SLC25A38: variants seen among roughly 807,000 people sequenced by gnomAD.
The protein encoded by SLC25A38 is solute carrier family 25 member 38.
Under a neutral mutation model 33.4 loss-of-function variants are expected in SLC25A38, and 27 were observed. The observed-to-expected ratio is 0.81, with a 90% CI of 0.60 to 1.11. The LOEUF (loss-of-function observed/expected upper bound fraction) is 1.11, where lower values mean the gene tolerates loss of function less well. Ranked by LOEUF, SLC25A38 falls within the 50% of genes most tolerant of loss-of-function variation. SLC25A38 has a pLI of 0.00. For missense variants in SLC25A38, 344 were observed against 388.8 expected (o/e 0.88, Z 0.97); for synonymous variants, 123 against 145.9 (o/e 0.84, Z 1.13).
chr3:39,396,748 G>A lies in SLC25A38; in HGVS notation c.*228G>A. On this transcript the variant is annotated 3_prime_UTR_variant, in exon 7 of 7. Transcript: ENST00000650617. ...ATCAATTCATAGAGCACACTAGGGTGTTAGGAGAGAGCTTTGCATACTCTG... is the reference window on the plus strand; with the variant it reads ...ATCAATTCATAGAGCACACTAGGGTATTAGGAGAGAGCTTTGCATACTCTG... 6.3e-6 allele frequency: 4 copies of A among 635,374 alleles called. No homozygotes were observed. Among genetic ancestry groups the A allele is most frequent in the Non-Finnish European group, 1.1e-5 (4 of 369,072 alleles). 39.4% of individuals were successfully genotyped at this position (635,374 alleles called of 1,614,324 possible). A position where few individuals can be genotyped will look rare whatever the true frequency, so the allele number is the denominator to read the frequency against.
Position 39,389,331 on chromosome 3 carries a change from A to T in SLC25A38, c.70-164A>T. On this transcript the variant is annotated intron_variant, in intron 1 of 6. Coordinates refer to ENST00000650617, the MANE Select transcript of SLC25A38 (RefSeq NM_017875.4). The surrounding 1 kb of genome is among the most constrained non-coding windows in gnomAD (Gnocchi z 4.5). ...TCCTCAATAACATTGCAGTATTTTT[A>T]ATTTCTGGCTATACTTTTTCCTTCT... is the stretch of plus-strand genomic sequence containing the variant. 9.4e-7 allele frequency: 1 copy of T among 1,062,876 alleles called. No individual in the cohort carries two copies. The highest frequency in any genetic ancestry group is 1.4e-6 in the Non-Finnish European group (1 of 704,896). The allele number at this position is 1,062,876 out of a possible 1,614,324, so 65.8% of individuals were successfully genotyped here. A position where few individuals can be genotyped will look rare whatever the true frequency, so the allele number is the denominator to read the frequency against.
At position 39,389,587 on chromosome 3, in the gene SLC25A38, C is replaced by G. The variant is rs746423954; in HGVS notation, c.162C>G (p.Arg54=). 3 of 1,614,148 alleles carry G rather than the reference C, an allele frequency of 1.9e-6. No homozygotes were observed. The highest frequency in any genetic ancestry group is 2.5e-6 in the Non-Finnish European group (3 of 1,180,016). Residue 54 remains arginine (R), a synonymous_variant, in exon 2 of 7, where the codon CGC becomes CGG. Coordinates refer to ENST00000650617, the MANE Select transcript of SLC25A38 (RefSeq NM_017875.4). The surrounding 1 kb of genome is among the most constrained non-coding windows in gnomAD (Gnocchi z 4.5). ...AACCTCTGGATCTCCTTAAAACACGCCTGCAAACCCTCCAGCCCTCAGATC... is the reference window on the plus strand; with the variant it reads ...AACCTCTGGATCTCCTTAAAACACGGCTGCAAACCCTCCAGCCCTCAGATC... ...LFQPLDLLKT[R]LQTLQPSDHG... is the part of the protein sequence containing the mutation.
In SLC25A38 at chr3:39,389,396, G is replaced by A; in HGVS notation, c.70-99G>A. 2 of 1,593,284 alleles carry A rather than the reference G, an allele frequency of 1.3e-6. No homozygotes were observed. Among genetic ancestry groups the A allele is most frequent in the Non-Finnish European group, 8.6e-7 (1 of 1,163,110 alleles). ...AAACATGAGGCACCACCAGGTAAGT[G>A]TCTAAGAGACCATTATAAAGGAATT... On this transcript the variant is annotated intron_variant, in intron 1 of 6. Transcript: ENST00000650617. This position sits in a 1 kb window ranked among gnomAD's most constrained non-coding sequence, Gnocchi z 4.5.
rs1240686218 is a variant in SLC25A38 at position 39,397,086 on chromosome 3, C to T, written c.*566C>T. 3 of 168,144 alleles carry T rather than the reference C, an allele frequency of 1.8e-5. No homozygotes were observed. Among genetic ancestry groups the T allele is most frequent in the Non-Finnish European group, 2.6e-5 (2 of 76,316 alleles). 10.4% of individuals were successfully genotyped at this position (168,144 alleles called of 1,614,324 possible). A position where few individuals can be genotyped will look rare whatever the true frequency, so the allele number is the denominator to read the frequency against. ...GGAGAACGGGACAGTGGCTTTCTAG[C>T]CTCTGAATGTTCCAAATAAAATTTT... On this transcript the variant is annotated 3_prime_UTR_variant, in exon 7 of 7. Transcript: ENST00000650617.
At chr3:39,391,027 G>A (rs1228772624) in intron 3 of SLC25A38, among the ~76,000 whole-genome samples, 1 of 152,202 alleles carries the variant, frequency 6.6e-6, no homozygotes, top group Non-Finnish European at 1.5e-5. Flanking sequence ...ATTAGATTTA[G>A]TTCTACATTT....
chr3:39,384,453 C>G, intron 1 of SLC25A38: 1 of 381,700 alleles, frequency 2.6e-6, no homozygotes, highest in Non-Finnish European at 4.6e-6. Context: ...CCTGAGGCCA[C>G]TGCAGCTGCC....
chr3:39,393,608 T>C (rs1339090228), intron 5 of SLC25A38, among the ~76,000 whole-genome samples: 1 of 152,220 alleles, frequency 6.6e-6, no homozygotes, highest in South Asian at 2.1e-4. Context: ...CAAGTGATTC[T>C]TGTGCCTCAG....
At chr3:39,395,845 A>G (rs1575248092) in intron 6 of SLC25A38, among the ~76,000 whole-genome samples, 1 of 152,212 alleles carries the variant, frequency 6.6e-6, no homozygotes, top group Admixed American at 6.5e-5. Flanking sequence ...AACCCTGCAT[A>G]AAGACTTTCA....
chr3:39,390,478 C>G lies in SLC25A38; in HGVS notation c.247C>G (p.Leu83Val). Reference sequence around the variant, plus strand: ...CTTGAAGGTGGTTCGCACGGAGAGTCTTTTGGGCCTTTGGAAAGGGATGTC... The same window carrying G: ...CTTGAAGGTGGTTCGCACGGAGAGTGTTTTGGGCCTTTGGAAAGGGATGTC... ...VLLKVVRTESLLGLWKGMSPS... is the reference protein window; with the variant it reads ...VLLKVVRTESVLGLWKGMSPS... The change falls in exon 3 of 7, where the codon CTT becomes GTT. Residue 83 changes from leucine to valine, a missense_variant. By Grantham distance (32) the Leu-to-Val change is conservative (BLOSUM62 1). Around this residue, in one of 2 missense-constraint regions of SLC25A38, gnomAD observed 269 missense variants for 271.8 expected, o/e 0.99. Transcript: ENST00000650617. The G allele has an allele frequency of 6.2e-7, 1 of 1,614,164 alleles. No individual in the cohort carries two copies. The highest frequency in any genetic ancestry group is 8.5e-7 in the Non-Finnish European group (1 of 1,180,028).
At position 39,389,454 on chromosome 3, in the gene SLC25A38, C is replaced by A. The variant is rs771744984; in HGVS notation, c.70-41C>A. On this transcript the variant is annotated intron_variant, in intron 1 of 6. Coordinates refer to ENST00000650617, the MANE Select transcript of SLC25A38 (RefSeq NM_017875.4). The surrounding 1 kb of genome is among the most constrained non-coding windows in gnomAD (Gnocchi z 4.5). The stretch of plus-strand genomic sequence containing the variant: ...CAGGTATAGAGAAAGGTGAGGCTCA[C>A]ACAGGCAGAGCTACTGACACAATAT... The A allele has an allele frequency of 1.2e-6, 2 of 1,614,214 alleles. No homozygotes were observed. The highest frequency in any genetic ancestry group is 4.5e-5 in the East Asian group (2 of 44,892).
At position 39,389,825 on chromosome 3, in the gene SLC25A38, G is replaced by A. The variant is rs1276577350; in HGVS notation, c.191+209G>A. On this transcript the variant is annotated intron_variant, in intron 2 of 6. Coordinates refer to ENST00000650617, the MANE Select transcript of SLC25A38 (RefSeq NM_017875.4). This position sits in a 1 kb window ranked among gnomAD's most constrained non-coding sequence, Gnocchi z 4.5. The stretch of plus-strand genomic sequence containing the variant: ...CGTTCCTGAGCAGCTTCCTGGAATC[G>A]GCTCAGTGACATTTACACTTTATTG... Among the ~76,000 whole-genome samples the A allele has an allele frequency of 2.0e-5, 3 of 152,118 alleles. No individual in the cohort carries two copies. Among genetic ancestry groups the A allele is most frequent in the Middle Eastern group, 3.2e-3 (1 of 316 alleles).
Position 39,390,471 on chromosome 3 carries a change from G to C in SLC25A38, c.240G>C (p.Thr80=). The change falls in exon 3 of 7, where the codon ACG becomes ACC. Residue 80 remains threonine, a synonymous_variant. Transcript: ENST00000650617. ...CTGTACTCTTGAAGGTGGTTCGCAC[G>C]GAGAGTCTTTTGGGCCTTTGGAAAG... The part of the protein sequence containing the change: ...MLAVLLKVVR[T]ESLLGLWKGM... The C allele has an allele frequency of 6.2e-7, 1 of 1,614,172 alleles. No individual in the cohort carries two copies. The highest frequency in any genetic ancestry group is 8.5e-7 in the Non-Finnish European group (1 of 1,180,038).
rs189158763 is a variant in SLC25A38, at chr3:39,389,361, G to C, written c.70-134G>C. Reference sequence around the variant, plus strand: ...CTGGCTATACTTTTTCCTTCTCCGAGGTATGAAGAAAACATGAGGCACCAC... The same window carrying C: ...CTGGCTATACTTTTTCCTTCTCCGACGTATGAAGAAAACATGAGGCACCAC... On this transcript the variant is annotated intron_variant, in intron 1 of 6. Coordinates refer to ENST00000650617, the MANE Select transcript of SLC25A38 (RefSeq NM_017875.4). The surrounding 1 kb of genome is among the most constrained non-coding windows in gnomAD (Gnocchi z 4.5). The C allele has an allele frequency of 1.4e-6, 2 of 1,389,582 alleles. No homozygotes were observed. Among genetic ancestry groups the C allele is most frequent in the Non-Finnish European group, 2.0e-6 (2 of 986,084 alleles). The allele number at this position is 1,389,582 out of a possible 1,614,324, so 86.1% of individuals were successfully genotyped here. A position where few individuals can be genotyped will look rare whatever the true frequency, so the allele number is the denominator to read the frequency against.
intron 1 of SLC25A38, among the ~76,000 whole-genome samples, chr3:39,384,984 TAG>T (rs1470637229): frequency 6.6e-6 from 1 of 151,996 alleles, no homozygotes; most frequent in East Asian, 1.9e-4. Flanking sequence ...GTATTTTTAG[TAG>T]AGAGAGGGTT....
At chr3:39,392,484 A>C (rs948569849) in intron 5 of SLC25A38, among the ~76,000 whole-genome samples, 1 of 152,058 alleles carries the variant, frequency 6.6e-6, no homozygotes, top group Non-Finnish European at 1.5e-5. Context: ...TAATATTTTC[A>C]TCTCCCTTGC....
intron 6 of SLC25A38, among the ~76,000 whole-genome samples, chr3:39,394,882 C>A (rs1159440537): frequency 6.6e-6 from 1 of 152,024 alleles, no homozygotes; most frequent in African/African-American, 2.4e-5. Flanking sequence ...AACTCTACCC[C>A]AGACTTACTG....
intron 1 of SLC25A38, chr3:39,384,689 T>C (rs555828444): frequency 1.8e-5 from 7 of 398,566 alleles, no homozygotes; most frequent in Middle Eastern, 6.3e-4. Context: ...TGTACTCTTA[T>C]GTGCTACTTA....
chr3:39,394,630 G>GTA, intron 6 of SLC25A38, 54 bp downstream of exon 6: 1 of 1,601,450 alleles, frequency 6.2e-7, no homozygotes, highest in Middle Eastern at 1.7e-4. Context: ...TCTCTTTCTA[G>GTA]AGCAGTAGTT....
rs2125577953 is a variant in SLC25A38, at chr3:39,389,653, A to C, written c.191+37A>C. 1 of 1,614,124 alleles carries C rather than the reference A, an allele frequency of 6.2e-7. No individual in the cohort carries two copies. The highest frequency in any genetic ancestry group is 8.5e-7 in the Non-Finnish European group (1 of 1,179,990). On this transcript the variant is annotated intron_variant, in intron 2 of 6. Coordinates refer to ENST00000650617, the MANE Select transcript of SLC25A38 (RefSeq NM_017875.4). This position sits in a 1 kb window ranked among gnomAD's most constrained non-coding sequence, Gnocchi z 4.5. Reference sequence around the variant, plus strand: ...ATTTCATTGGGGAACTGATTTCAGCAACTTCTCAGACACAGGAACATCTTT... The same window carrying C: ...ATTTCATTGGGGAACTGATTTCAGCCACTTCTCAGACACAGGAACATCTTT...
Sources: allele counts gnomAD v4.1 joint callset (sites outside exome capture counted in the v4.1 genomes callset), GRCh38; gene constraint gnomAD v4.1.1; regional missense constraint gnomAD v4.1.1; non-coding constraint Gnocchi (gnomAD v3.1); transcripts MANE v1.5; gene names NCBI Gene and HGNC (gene_info 2026-07-23, HGNC 2026-07-21).